PCDHA7: variants seen among roughly 807,000 people sequenced by gnomAD.
The protein encoded by PCDHA7 is protocadherin alpha-7.
In PCDHA7, 37 loss-of-function variants were observed where a neutral mutation model predicts 57.2. That is an observed-to-expected ratio of 0.65 (90% CI 0.50 to 0.85). The LOEUF is 0.85. Among genes scored for constraint, PCDHA7 ranks in the 40% least tolerant of loss-of-function variants. The pLI, the probability that PCDHA7 is intolerant of heterozygous loss-of-function variation, is 0.00. For missense variants in PCDHA7, 1,188 were observed against 1,241.8 expected, an observed-to-expected ratio of 0.96 and a Z score of 0.65; for synonymous variants, 553 against 558.8, an observed-to-expected ratio of 0.99 and a Z score of 0.15.
chr5:140,941,175 C>T (rs1344326389), intron 1 of PCDHA7, among the ~76,000 whole-genome samples: 1 of 145,416 alleles, frequency 6.9e-6, no homozygotes, highest in Admixed American at 6.8e-5. Context: ...CCATCTTGAA[C>T]ATCCTGCTTC....
intron 3 of PCDHA7, among the ~76,000 whole-genome samples, chr5:140,982,864 T>G (rs1294289316): frequency 1.3e-5 from 2 of 152,114 alleles, no homozygotes; most frequent in Non-Finnish European, 2.9e-5. Flanking sequence ...TTCAAATGCT[T>G]AGGTCATCCA....
chr5:141,005,584 C>T (rs1307831783), intron 3 of PCDHA7, among the ~76,000 whole-genome samples: 2 of 151,062 alleles, frequency 1.3e-5, no homozygotes, highest in Non-Finnish European at 2.9e-5. Context: ...TGCCTGTAGT[C>T]CCAGCTACAC....
intron 1 of PCDHA7, chr5:140,841,554 G>A (rs2150318076): frequency 0.54 from 859,933 of 1,603,294 alleles, 234,437 homozygotes; most frequent in African/African-American, 0.71. Context: ...CTGGAGGTAA[G>A]TCTGCAGAAT....
chr5:140,862,826 G>A lies in PCDHA7; in HGVS notation c.2355+26088G>A, dbSNP rs112986835. ...CTGCTGCAGTTCTAGGTGAGAGCGCGCGACGCGGGCATGCCGCCTCTGAGC... is the reference window on the plus strand; with the variant it reads ...CTGCTGCAGTTCTAGGTGAGAGCGCACGACGCGGGCATGCCGCCTCTGAGC... On this transcript the variant is annotated intron_variant, in intron 1 of 3. Coordinates refer to ENST00000525929, the MANE Select transcript of PCDHA7 (RefSeq NM_018910.3). The A allele has an allele frequency of 1.9e-3, 1,106 of 575,060 alleles. 11 individuals carry two copies. Among genetic ancestry groups the A allele is most frequent in the African/African-American group, 0.019 (990 of 53,212 alleles). The allele number at this position is 575,060 out of a possible 1,614,324, so 35.6% of individuals were successfully genotyped here.
intron 3 of PCDHA7, among the ~76,000 whole-genome samples, chr5:140,996,256 A>C (rs2097718697): frequency 6.6e-6 from 1 of 152,252 alleles, no homozygotes. Flanking sequence ...TGACAGCAAC[A>C]CAGAGCCTGG....
At chr5:140,966,489 C>A in intron 1 of PCDHA7, 2 of 440,146 alleles carry the variant, frequency 4.5e-6, no homozygotes, top group Non-Finnish European at 7.9e-6. Flanking sequence ...TTCCCTCCCC[C>A]TGGAGCTGTA....
chr5:140,938,484 A>G (rs914020751), intron 1 of PCDHA7, among the ~76,000 whole-genome samples: 14 of 152,182 alleles, frequency 9.2e-5, no homozygotes, highest in African/African-American at 2.9e-4. Flanking sequence ...TTTAAAAATC[A>G]TGAATAGGCA....
chr5:140,913,055 T>G (rs1554195719), intron 1 of PCDHA7, among the ~76,000 whole-genome samples: 2 of 152,184 alleles, frequency 1.3e-5, no homozygotes, highest in African/African-American at 4.8e-5. Context: ...GAGTTTTATT[T>G]TATTTTGATG....
Position 140,858,605 on chromosome 5 carries a change from T to A in PCDHA7, c.2355+21867T>A, listed in dbSNP as rs553423419. On this transcript the variant is annotated intron_variant, in intron 1 of 3. Coordinates refer to ENST00000525929, the MANE Select transcript of PCDHA7 (RefSeq NM_018910.3). ...ATAATTTATTCCAGGAGTTTTAAAA[T>A]TTTTTTATCCTACCCAGTGTGTCAG... 1.7e-5 allele frequency: 21 copies of A among 1,265,750 alleles called. 2 individuals are homozygous for A. Among genetic ancestry groups the A allele is most frequent in the African/African-American group, 1.5e-4 (10 of 66,840 alleles). 78.4% of individuals were successfully genotyped at this position (1,265,750 alleles called of 1,614,324 possible).
At chr5:140,870,920 T>G (rs782215482) in intron 1 of PCDHA7, 20 of 1,613,814 alleles carry the variant, frequency 1.2e-5, no homozygotes, top group Non-Finnish European at 3.4e-6. Flanking sequence ...AACGCGTGGC[T>G]TTCATATGAA....
In PCDHA7 at chr5:140,990,870, T is replaced by G. The variant is rs550033552; in HGVS notation, c.2503+8307T>G. Among the ~76,000 whole-genome samples, 16 of 152,274 alleles carry G rather than the reference T, an allele frequency of 1.1e-4. No individual in the cohort carries two copies. The South Asian group carries it at 3.3e-3, about 32-fold the overall frequency. On this transcript the variant is annotated intron_variant, in intron 3 of 3. Coordinates refer to ENST00000525929, the MANE Select transcript of PCDHA7 (RefSeq NM_018910.3). ...AGCCCTGAGGACATTGTATTTTAAG[T>G]GTATGTTCCAGTGAGTGGGTCGTTG...
intron 1 of PCDHA7, chr5:140,853,446 T>C: frequency 1.0e-6 from 1 of 980,482 alleles, no homozygotes; most frequent in Non-Finnish European, 1.2e-6. Context: ...TTTTGCCTAA[T>C]AGGTCTCCTT....
chr5:140,933,734 T>C (rs1355766834), intron 1 of PCDHA7, among the ~76,000 whole-genome samples: 2 of 152,062 alleles, frequency 1.3e-5, no homozygotes, highest in Admixed American at 6.5e-5. Flanking sequence ...CTTTCTTAAA[T>C]ATTTGGTAGA....
In PCDHA7 at chr5:140,843,133, C is replaced by T. The variant is rs2150353566; in HGVS notation, c.2355+6395C>T. The T allele has an allele frequency of 2.5e-6, 4 of 1,595,974 alleles. 1 individual carries two copies. The highest frequency in any genetic ancestry group is 3.4e-6 in the Non-Finnish European group (4 of 1,165,590). ...CAGTGGACGCCGACTCGGGCTACAA[C>T]GCGTGGCTTTCGTATGAGCTGCAGC... On this transcript the variant is annotated intron_variant, in intron 1 of 3. Transcript: ENST00000525929.
At chr5:140,877,149 C>T in intron 1 of PCDHA7, 5 of 1,613,766 alleles carry the variant, frequency 3.1e-6, no homozygotes, top group Non-Finnish European at 4.2e-6. Flanking sequence ...TGGACGAGAA[C>T]GACAACGCGC....
rs2098413689 is a variant in PCDHA7, at chr5:141,009,672, A to G, written c.2549A>G (p.Asn850Ser). Residue 850 changes from asparagine to serine, a missense_variant, in exon 4 of 4, where the codon AAC becomes AGC. Physicochemically the swap from Asn to Ser is conservative, Grantham distance 46. This residue lies in a region of PCDHA7 where 892 missense variants were observed against 788.5 expected (regional missense o/e 1.13). Transcript: ENST00000525929. The stretch of plus-strand genomic sequence containing the variant: ...TCCCCTCCAGTCGGTGCGGGTGTCA[A>G]CAGCAACAGCTGGACCTTTAAATAC... ...EVSPPVGAGV[N>S]SNSWTFKYGP... is the part of the protein sequence containing the mutation. 6.2e-7 allele frequency: 1 copy of G among 1,614,102 alleles called. No homozygotes were observed. The highest frequency in any genetic ancestry group is 1.1e-5 in the South Asian group (1 of 91,070).
At chr5:140,883,952 G>C (rs782014250) in intron 1 of PCDHA7, 17 of 1,613,030 alleles carry the variant, frequency 1.1e-5, no homozygotes, top group Non-Finnish European at 1.4e-5. Context: ...GAACGACAAC[G>C]CTCCGGCGCT....
chr5:140,946,277 A>G (rs1055326524), intron 1 of PCDHA7, among the ~76,000 whole-genome samples: 5 of 152,186 alleles, frequency 3.3e-5, no homozygotes, highest in Admixed American at 1.3e-4. Context: ...TAAAACCCCA[A>G]TGAGATATCA....
At chr5:141,006,415 G>C (rs185861703) in intron 3 of PCDHA7, among the ~76,000 whole-genome samples, 2 of 152,146 alleles carry the variant, frequency 1.3e-5, no homozygotes, top group African/African-American at 2.4e-5. Flanking sequence ...CGGTTTCACT[G>C]TGTTAGCCAG....
Sources: gnomAD v4.1 joint callset for allele counts (sites outside exome capture counted in the v4.1 genomes callset) on GRCh38, gnomAD v4.1.1 for gene constraint, gnomAD v4.1.1 regional missense constraint, MANE v1.5 for transcripts, NCBI Gene and HGNC (gene_info 2026-07-23, HGNC 2026-07-21) for gene names.